BICD1: variants seen among roughly 807,000 people sequenced by gnomAD.
BICD1 encodes the protein protein bicaudal D homolog 1.
In BICD1, 35 loss-of-function variants were observed where a neutral mutation model predicts 92.5. That is an observed-to-expected ratio of 0.38 (90% CI 0.29 to 0.50). BICD1 has a LOEUF of 0.50. BICD1 is among the 20% of genes least tolerant of loss of function. BICD1 has a pLI of 0.93. For synonymous variants in BICD1, 429 were observed against 465.1 expected (o/e 0.92, Z 1.00); for missense variants, 950 against 1,189.8 (o/e 0.80, Z 2.97).
intron 1 of BICD1, among the ~76,000 whole-genome samples, chr12:32,112,306 C>T (rs915347297): frequency 6.6e-6 from 1 of 152,142 alleles, no homozygotes; most frequent in Non-Finnish European, 1.5e-5. Flanking sequence ...ACGCCCAGCC[C>T]CTTCTTTTTA....
chr12:32,117,755 TA>T (rs1336224808), intron 1 of BICD1, among the ~76,000 whole-genome samples: 7,785 of 118,314 alleles, frequency 0.066, 304 homozygotes, highest in Non-Finnish European at 0.086. Context: ...TATATATATA[TA>T]TATTTTTTTT....
intron 2 of BICD1, among the ~76,000 whole-genome samples, chr12:32,288,223 A>ATTTTTTTTTTTTTTTTTT (rs34913740): frequency 9.1e-6 from 1 of 109,522 alleles, no homozygotes. Flanking sequence ...CCAAGTCCTA[A>ATTTTTTTTTTTTTTTTTT]TTTTTTTTTT....
At chr12:32,347,630 C>T (rs980871792) in intron 8 of BICD1, among the ~76,000 whole-genome samples, 2 of 149,654 alleles carry the variant, frequency 1.3e-5, no homozygotes, top group Non-Finnish European at 3.0e-5. Context: ...AAGAACGAAA[C>T]GCCATCTCAA....
Position 32,217,939 on chromosome 12 carries a change from C to T in BICD1, c.426+1480C>T, listed in dbSNP as rs549965849. ...GGCAGAGAGGATGTGGCATGGGCAACGTGAGGACCGTGTGCACACGCATGC... is the reference window on the plus strand; with the variant it reads ...GGCAGAGAGGATGTGGCATGGGCAATGTGAGGACCGTGTGCACACGCATGC... On this transcript the variant is annotated intron_variant, in intron 2 of 9. Transcript: ENST00000652176. 7.9e-5 allele frequency among the ~76,000 whole-genome samples: 12 copies of T among 152,286 alleles called. 1 individual carries two copies. In the South Asian group the frequency reaches 2.3e-3, roughly 29 times the overall value.
intron 8 of BICD1, among the ~76,000 whole-genome samples, chr12:32,358,096 A>G (rs1280502051): frequency 6.6e-6 from 1 of 151,784 alleles, no homozygotes; most frequent in African/African-American, 2.4e-5. Flanking sequence ...ATCTCAGTTG[A>G]GTTTGGTTTG....
At chr12:32,154,445 A>T (rs974463168) in intron 1 of BICD1, among the ~76,000 whole-genome samples, 1 of 152,176 alleles carries the variant, frequency 6.6e-6, no homozygotes, top group Non-Finnish European at 1.5e-5. Flanking sequence ...CACTTTTGTC[A>T]GCAACCTCCT....
intron 1 of BICD1, among the ~76,000 whole-genome samples, chr12:32,122,285 G>C (rs1201946602): frequency 6.6e-6 from 1 of 151,846 alleles, no homozygotes; most frequent in Non-Finnish European, 1.5e-5. Context: ...AACACAGATC[G>C]AGACCATCCT....
chr12:32,125,437 C>T (rs1179754021), intron 1 of BICD1, among the ~76,000 whole-genome samples: 1 of 152,254 alleles, frequency 6.6e-6, no homozygotes, highest in Middle Eastern at 3.4e-3. Flanking sequence ...GGAAGTTTCC[C>T]TTATGCCTCT....
At chr12:32,161,215 G>C (rs1943591331) in intron 1 of BICD1, among the ~76,000 whole-genome samples, 1 of 152,160 alleles carries the variant, frequency 6.6e-6, no homozygotes, top group African/African-American at 2.4e-5. Context: ...CCATCATAGT[G>C]CTGAGTAGTA....
At chr12:32,322,649 C>T (rs1316366986) in intron 4 of BICD1, among the ~76,000 whole-genome samples, 1 of 152,098 alleles carries the variant, frequency 6.6e-6, no homozygotes, top group Non-Finnish European at 1.5e-5. Flanking sequence ...AGGGAGGAAA[C>T]ACACATGCAA....
At chr12:32,199,966 T>A (rs950650337) in intron 1 of BICD1, among the ~76,000 whole-genome samples, 1 of 152,160 alleles carries the variant, frequency 6.6e-6, no homozygotes, top group Non-Finnish European at 1.5e-5. Flanking sequence ...CATTCCAGCC[T>A]TTGTATAAGG....
At chr12:32,190,953 A>T (rs778300338) in intron 1 of BICD1, among the ~76,000 whole-genome samples, 2 of 152,258 alleles carry the variant, frequency 1.3e-5, no homozygotes, top group Non-Finnish European at 2.9e-5. Context: ...AAAAATGGAC[A>T]TATGTAGACA....
chr12:32,275,939 A>G (rs1390633093), intron 2 of BICD1, among the ~76,000 whole-genome samples: 1 of 152,158 alleles, frequency 6.6e-6, no homozygotes, highest in Non-Finnish European at 1.5e-5. Context: ...CGTGAGGCCA[A>G]GAACCCCAGG....
chr12:32,160,815 ATG>A (rs10583903), intron 1 of BICD1, among the ~76,000 whole-genome samples: 152,302 of 152,306 alleles, frequency 1, 76,149 homozygotes, highest in Middle Eastern at 1. Context: ...AGATACACAC[ATG>A]TGTGTTTTGT....
intron 8 of BICD1, among the ~76,000 whole-genome samples, chr12:32,357,749 T>C (rs1939173607): frequency 6.6e-6 from 1 of 152,210 alleles, no homozygotes; most frequent in African/African-American, 2.4e-5. Flanking sequence ...TCTCTCTGCA[T>C]GTATTAATCC....
chr12:32,157,842 C>T lies in BICD1; in HGVS notation c.213+50298C>T, dbSNP rs59607264. Among the ~76,000 whole-genome samples, 225 of 152,222 alleles carry T rather than the reference C, an allele frequency of 1.5e-3. 1 individual carries two copies. The highest frequency in any genetic ancestry group is 6.8e-3 in the Middle Eastern group (2 of 294). On this transcript the variant is annotated intron_variant, in intron 1 of 9. Coordinates refer to ENST00000652176, the MANE Select transcript of BICD1 (RefSeq NM_001714.4). The stretch of plus-strand genomic sequence containing the variant: ...GTGCTGATGGTTGGAGGTGGTAATA[C>T]AGTTTCTTGGTTAAGGTGTGGTCTT...
chr12:32,140,957 T>C (rs955960608), intron 1 of BICD1, among the ~76,000 whole-genome samples: 1 of 152,212 alleles, frequency 6.6e-6, no homozygotes, highest in African/African-American at 2.4e-5. Flanking sequence ...CCGTAGAACG[T>C]ACGTGTTTGC....
At chr12:32,168,903 A>C (rs540772930) in intron 1 of BICD1, among the ~76,000 whole-genome samples, 7 of 152,158 alleles carry the variant, frequency 4.6e-5, no homozygotes, top group Non-Finnish European at 1.0e-4. Context: ...CGGAGGTTGC[A>C]TTGAGCCGAG....
At chr12:32,364,380 C>A (rs113385768) in intron 8 of BICD1, among the ~76,000 whole-genome samples, 3 of 152,098 alleles carry the variant, frequency 2.0e-5, no homozygotes, top group Non-Finnish European at 4.4e-5. Flanking sequence ...TGCAGCATCT[C>A]AGAGCTACAA....
Sources: allele counts gnomAD v4.1 joint callset (sites outside exome capture counted in the v4.1 genomes callset), GRCh38; gene constraint gnomAD v4.1.1; transcripts MANE v1.5; gene names NCBI Gene and HGNC (gene_info 2026-07-23, HGNC 2026-07-21).